The following ATP2C2 variants were observed in gnomAD, a reference collection of about 807,000 sequenced individuals.
ATP2C2 encodes the protein ATPase secretory pathway Ca2+ transporting 2.
In ATP2C2, 171 loss-of-function variants were observed where a neutral mutation model predicts 110.8. The observed-to-expected ratio is 1.54, with a 90% CI of 1.36 to 1.75. The LOEUF (loss-of-function observed/expected upper bound fraction) is 1.75. Among genes scored for constraint, ATP2C2 ranks in the 40% most tolerant of loss-of-function variants. The pLI is 0.00. For missense variants in ATP2C2, 1,963 were observed against 1,235.0 expected (o/e 1.59, Z -8.84); for synonymous variants, 804 against 508.4 (o/e 1.58, Z -7.82).
intron 16 of ATP2C2, among the ~76,000 whole-genome samples, chr16:84,447,907 T>TAATAACATATATAATTA (rs1567733896): frequency 9.8e-5 from 1 of 10,210 alleles, no homozygotes; most frequent in African/African-American, 1.5e-4. Context: ...TAATTAATAT[T>TAATAACATATATAATTA]ATATTATCTT....
In ATP2C2 at chr16:84,410,079, T is replaced by G. The variant is rs193126507; in HGVS notation, c.418-489T>G. Among the ~76,000 whole-genome samples, 693 of 152,182 alleles carry G rather than the reference T, an allele frequency of 4.6e-3. 6 individuals carry two copies. The highest frequency in any genetic ancestry group is 0.016 in the African/African-American group (667 of 41,534). On this transcript the variant is annotated intron_variant, in intron 4 of 26. Transcript: ENST00000262429. Reference sequence around the variant, plus strand: ...AAAAAATTAGCAGGGCATGGTGGCATGTGCCTGTGGTCCCAGCTACTTGGG... The same window carrying G: ...AAAAAATTAGCAGGGCATGGTGGCAGGTGCCTGTGGTCCCAGCTACTTGGG...
chr16:84,435,826 C>CA (rs57536104), intron 11 of ATP2C2, among the ~76,000 whole-genome samples: 20 of 149,776 alleles, frequency 1.3e-4, no homozygotes, highest in African/African-American at 3.0e-4. Context: ...GAACCTGCCT[C>CA]AAAAAAAAAA....
At chr16:84,443,283 C>A (rs1020585115) in intron 15 of ATP2C2, among the ~76,000 whole-genome samples, 1 of 152,218 alleles carries the variant, frequency 6.6e-6, no homozygotes, top group African/African-American at 2.4e-5. Flanking sequence ...TGGCCCCGGT[C>A]AGCTCCCACG....
chr16:84,427,889 A>G (rs1433651751), intron 11 of ATP2C2, among the ~76,000 whole-genome samples: 1 of 152,150 alleles, frequency 6.6e-6, no homozygotes, highest in East Asian at 1.9e-4. Flanking sequence ...ACGACTCTGC[A>G]TACACTAACC....
chr16:84,410,679 G>T lies in ATP2C2; in HGVS notation c.454-25G>T, dbSNP rs115292030. Reference sequence around the variant, plus strand: ...TTCATGGAGTCCCCACCTTTAAACAGCACATCTGATGTGCTTCCTGCCAGG... The same window carrying T: ...TTCATGGAGTCCCCACCTTTAAACATCACATCTGATGTGCTTCCTGCCAGG... On this transcript the variant is annotated intron_variant, in intron 5 of 26. Coordinates refer to ENST00000262429, the MANE Select transcript of ATP2C2 (RefSeq NM_014861.4). 3.7e-6 allele frequency: 6 copies of T among 1,613,924 alleles called. No homozygotes were observed. In the African/African-American group the frequency reaches 8.0e-5, roughly 22 times the overall value.
rs371072369 is a variant in ATP2C2 at position 84,439,202 on chromosome 16, C to T, written c.1023C>T (p.Ile341=). 18 of 1,612,274 alleles carry T rather than the reference C, an allele frequency of 1.1e-5. No homozygotes were observed. The African/African-American group carries it at 1.9e-4, about 17-fold the overall frequency. Reference sequence around the variant, plus strand: ...CGGCCATTCCAGAGGGTCTGCCCATCGTCGTCATGGTGACGCTGGTCCTGG... The same window carrying T: ...CGGCCATTCCAGAGGGTCTGCCCATTGTCGTCATGGTGACGCTGGTCCTGG... ...AVAAIPEGLP[I]VVMVTLVLGV... Residue 341 remains isoleucine, a synonymous_variant, in exon 12 of 27, where the codon ATC becomes ATT. Transcript: ENST00000262429.
chr16:84,455,839 G>C (rs573741914), intron 21 of ATP2C2, among the ~76,000 whole-genome samples: 190 of 144,018 alleles, frequency 1.3e-3, no homozygotes, highest in South Asian at 2.3e-3. Context: ...TAGCATGAAG[G>C]GTTGTTGAAT....
intron 7 of ATP2C2, among the ~76,000 whole-genome samples, chr16:84,418,315 C>G (rs1035768444): frequency 7.9e-5 from 12 of 152,136 alleles, no homozygotes; most frequent in African/African-American, 2.4e-4. Flanking sequence ...ATTTTCGCCC[C>G]TCACCCCTCC....
chr16:84,454,481 A>G (rs1910603704), intron 20 of ATP2C2, among the ~76,000 whole-genome samples: 1 of 152,154 alleles, frequency 6.6e-6, no homozygotes, highest in African/African-American at 2.4e-5. Context: ...CATGGTTTCC[A>G]GGGCCGCACT....
At chr16:84,444,057 C>T (rs1293483319) in intron 15 of ATP2C2, among the ~76,000 whole-genome samples, 1 of 149,882 alleles carries the variant, frequency 6.7e-6, no homozygotes, top group Non-Finnish European at 1.5e-5. Flanking sequence ...GTCCCAGCTA[C>T]TCAGGAGGCT....
At chr16:84,447,124 C>G (rs766213501) in intron 16 of ATP2C2, among the ~76,000 whole-genome samples, 1 of 152,138 alleles carries the variant, frequency 6.6e-6, no homozygotes, top group Non-Finnish European at 1.5e-5. Flanking sequence ...TTGTTGCCTT[C>G]TACCGTTTTC....
At chr16:84,441,375 A>G (rs1051206445) in intron 14 of ATP2C2, among the ~76,000 whole-genome samples, 3 of 152,178 alleles carry the variant, frequency 2.0e-5, no homozygotes, top group Non-Finnish European at 4.4e-5. Context: ...GACGTGCCCG[A>G]TGAATGGTAA....
intron 2 of ATP2C2, among the ~76,000 whole-genome samples, chr16:84,403,842 C>T (rs1162467710): frequency 6.6e-6 from 1 of 152,190 alleles, no homozygotes; most frequent in Non-Finnish European, 1.5e-5. Flanking sequence ...AGGCACATGC[C>T]ACCACGCCCG....
At position 84,415,529 on chromosome 16, in the gene ATP2C2, C is replaced by G. The variant is rs771913574; in HGVS notation, c.562C>G (p.Pro188Ala). The change falls in exon 7 of 27, where the codon CCT (proline) becomes GCT (alanine). Residue 188 changes from proline (P) to alanine (A), a missense_variant. Pro to Ala is a conservative substitution (Grantham distance 27). Coordinates refer to ENST00000262429, the MANE Select transcript of ATP2C2 (RefSeq NM_014861.4). Reference sequence around the variant, plus strand: ...GCACCTGCTTGCTCGAGAACTGGTTCCTGGTGATGTCGTATCTCTCTCGAT... The same window carrying G: ...GCACCTGCTTGCTCGAGAACTGGTTGCTGGTGATGTCGTATCTCTCTCGAT... ...LQHLLARELV[P>A]GDVVSLSIGD... 6.2e-7 allele frequency: 1 copy of G among 1,614,136 alleles called. No homozygotes were observed. The highest frequency in any genetic ancestry group is 1.1e-5 in the South Asian group (1 of 91,066).
At chr16:84,385,354 C>G (rs761104277) in intron 1 of ATP2C2, among the ~76,000 whole-genome samples, 11 of 152,136 alleles carry the variant, frequency 7.2e-5, no homozygotes, top group Non-Finnish European at 1.6e-4. Flanking sequence ...ATGAGATATC[C>G]TTCCCCATGA....
At chr16:84,458,992 G>T in intron 21 of ATP2C2, 128 bp from the exon 22 acceptor site, 1 of 1,003,506 alleles carries the variant, frequency 1.0e-6, no homozygotes, top group Admixed American at 2.0e-5. Context: ...GCCAGCAAGG[G>T]GAACCAGCAG....
At chr16:84,420,874 C>T (rs565728511) in intron 7 of ATP2C2, among the ~76,000 whole-genome samples, 9 of 152,258 alleles carry the variant, frequency 5.9e-5, no homozygotes, top group South Asian at 2.1e-4. Context: ...GGGGCAATCT[C>T]GGCTCACTGC....
At chr16:84,458,611 A>C (rs955217731) in intron 21 of ATP2C2, among the ~76,000 whole-genome samples, 2 of 152,330 alleles carry the variant, frequency 1.3e-5, no homozygotes, top group African/African-American at 4.8e-5. Flanking sequence ...TTGTTTTTCT[A>C]CATTAGTGAC....
intron 1 of ATP2C2, among the ~76,000 whole-genome samples, chr16:84,392,867 T>C (rs950034491): frequency 7.2e-5 from 11 of 152,188 alleles, no homozygotes; most frequent in African/African-American, 1.9e-4. Flanking sequence ...ATTCAACGTG[T>C]CTATTATCTC....
Sources: allele counts gnomAD v4.1 joint callset (sites outside exome capture counted in the v4.1 genomes callset), GRCh38; gene constraint gnomAD v4.1.1; transcripts MANE v1.5; gene names NCBI Gene and HGNC (gene_info 2026-07-23, HGNC 2026-07-21).